Variants in FAH observed in about 807,000 individuals in gnomAD.
FAH encodes fumarylacetoacetase.
FAH carries 47 observed loss-of-function variants against 55.8 expected under a neutral mutation model. The ratio of observed to expected loss-of-function variants is 0.84; its 90% CI spans 0.67 to 1.07. FAH has a LOEUF of 1.07. Among genes scored for constraint, FAH ranks in the 50% least tolerant of loss-of-function variants. The probability of loss-of-function intolerance (pLI) is 0.00; values close to 1 mark genes in which losing one functional copy is unlikely to be tolerated. For missense variants in FAH, 495 were observed against 545.9 expected (o/e 0.91, Z 0.93); for synonymous variants, 199 against 207.7 (o/e 0.96, Z 0.36).
chr15:80,182,764 G>T (rs545078183), intron 13 of FAH, among the ~76,000 whole-genome samples: 2 of 152,226 alleles, frequency 1.3e-5, no homozygotes, highest in South Asian at 4.1e-4. Context: ...GAGGTCTTCT[G>T]ATTCCCCTGC....
At chr15:80,157,975 T>G in intron 1 of FAH, 85 bp from the exon 2 acceptor site, 1 of 983,358 alleles carries the variant, frequency 1.0e-6, no homozygotes, top group Non-Finnish European at 1.7e-6. Flanking sequence ...ACCTGTGGAC[T>G]CTTCAATAGA....
chr15:80,182,261 T>A (rs749633445), intron 13 of FAH, among the ~76,000 whole-genome samples: 4 of 152,188 alleles, frequency 2.6e-5, no homozygotes, highest in Admixed American at 6.5e-5. Context: ...CTCCTCATTC[T>A]AAGATCCCAA....
rs564981180 is a variant in FAH at position 80,171,541 on chromosome 15, G to T, written c.607-608G>T. Among the ~76,000 whole-genome samples, 6 of 152,286 alleles carry T rather than the reference G, an allele frequency of 3.9e-5. No individual in the cohort carries two copies. The East Asian group carries it at 1.2e-3, about 29-fold the overall frequency. ...CGTGGCGTGATCTCGGCCTGCTGCA[G>T]CCTTGACCTCCCTGGCTCAAGCAAT... On this transcript the variant is annotated intron_variant, in intron 7 of 13. Transcript: ENST00000561421.
chr15:80,168,129 G>T lies in FAH; in HGVS notation c.533G>T (p.Gly178Val), dbSNP rs1265386310. 1 of 1,614,126 alleles carries T rather than the reference G, an allele frequency of 6.2e-7. No homozygotes were observed. The highest frequency in any genetic ancestry group is 1.1e-5 in the South Asian group (1 of 91,072). The stretch of plus-strand genomic sequence containing the variant: ...GGCACCCCAATCCGAAGGCCCATGG[G>T]ACAGATGAAACCTGATGACTGTGAG... ...VSGTPIRRPM[G>V]QMKPDDSKPP... Residue 178 changes from glycine to valine, a missense_variant, in exon 6 of 14, where the codon GGA (glycine) becomes GTA (valine). Physicochemically the swap from Gly to Val is moderately radical, Grantham distance 109 (BLOSUM62 -3). Coordinates refer to ENST00000561421, the MANE Select transcript of FAH (RefSeq NM_000137.4).
In FAH at chr15:80,154,483, C is replaced by T. The variant is rs16971777; in HGVS notation, c.81+1348C>T. 4.6e-3 allele frequency among the ~76,000 whole-genome samples: 702 copies of T among 152,358 alleles called. 3 individuals carry two copies. The highest frequency in any genetic ancestry group is 0.015 in the African/African-American group (641 of 41,588). On this transcript the variant is annotated intron_variant, in intron 1 of 13. Coordinates refer to ENST00000561421, the MANE Select transcript of FAH (RefSeq NM_000137.4). Reference sequence around the variant, plus strand: ...TACAGATGTCTGGAAGAGAGAGCCCCATTCCGCTGTCCTCTGATACAGTGC... The same window carrying T: ...TACAGATGTCTGGAAGAGAGAGCCCTATTCCGCTGTCCTCTGATACAGTGC...
chr15:80,169,394 CA>C (rs963153103), intron 7 of FAH, among the ~76,000 whole-genome samples: 1 of 151,440 alleles, frequency 6.6e-6, no homozygotes, highest in East Asian at 1.9e-4. Context: ...AAACAAAAAA[CA>C]AAAAACAAAA....
intron 10 of FAH, among the ~76,000 whole-genome samples, chr15:80,175,905 A>G (rs76361486): frequency 0.025 from 3,823 of 152,230 alleles, 155 homozygotes; most frequent in African/African-American, 0.087. Context: ...TCCAATCCCA[A>G]CGGGGGCCCT....
chr15:80,186,008 G>T, intron 13 of FAH, 122 bp from the exon 14 acceptor site: 1 of 790,746 alleles, frequency 1.3e-6, no homozygotes, highest in South Asian at 1.4e-5. Flanking sequence ...ATGTGTGTGT[G>T]ATTCTGATGG....
chr15:80,170,254 C>A (rs2041228792), intron 7 of FAH, among the ~76,000 whole-genome samples: 1 of 152,222 alleles, frequency 6.6e-6, no homozygotes, highest in Non-Finnish European at 1.5e-5. Context: ...ATAGTCAGCA[C>A]CTACAGTTTT....
At chr15:80,165,975 C>T (rs955502179) in intron 5 of FAH, 6 of 151,928 alleles carry the variant, frequency 3.9e-5, no homozygotes, top group Admixed American at 2.0e-4. Context: ...TTAAAAGCAA[C>T]AAAAACAGTC....
At position 80,159,816 on chromosome 15, in the gene FAH, T is replaced by A; in HGVS notation, c.253T>A (p.Leu85Met). ...QAAWKEARVF[L>M]QNLLSVSQAR... ...TGCCTGGAAGGAGGCGAGAGTGTTC[T>A]TGCAGAACTTGCTGTCTGTGAGCCA... The change falls in exon 3 of 14, where the codon TTG (leucine) becomes ATG (methionine). Residue 85 changes from leucine to methionine, a missense_variant. Leu to Met is a conservative substitution (Grantham distance 15). Transcript: ENST00000561421. 6.2e-7 allele frequency: 1 copy of A among 1,614,246 alleles called. No individual in the cohort carries two copies. Among genetic ancestry groups the A allele is most frequent in the Non-Finnish European group, 8.5e-7 (1 of 1,180,034 alleles).
At chr15:80,174,947 T>G (rs1182808636) in intron 9 of FAH, 69 bp from the exon 10 acceptor site, 4 of 1,345,942 alleles carry the variant, frequency 3.0e-6, no homozygotes. Flanking sequence ...GCCTGGCTGG[T>G]ATGGGGGCCC....
chr15:80,184,765 T>C (rs1045302823), intron 13 of FAH, among the ~76,000 whole-genome samples: 2 of 152,162 alleles, frequency 1.3e-5, no homozygotes, highest in Non-Finnish European at 2.9e-5. Context: ...ACTGAACAGA[T>C]GTGACAAATG....
In FAH at chr15:80,186,285, T is replaced by G; in HGVS notation, c.*76T>G. ...CTGTGACTGGGGTCCTCCCTCGGGC[T>G]GTAGGCCTGGTCCGCCATTCAGTGA... On this transcript the variant is annotated 3_prime_UTR_variant, in exon 14 of 14. Coordinates refer to ENST00000561421, the MANE Select transcript of FAH (RefSeq NM_000137.4). 8.2e-7 allele frequency: 1 copy of G among 1,217,586 alleles called. No homozygotes were observed. Among genetic ancestry groups the G allele is most frequent in the Non-Finnish European group, 1.2e-6 (1 of 819,108 alleles). 75.4% of individuals were successfully genotyped at this position (1,217,586 alleles called of 1,614,324 possible).
Position 80,165,514 on chromosome 15 carries a change from C to T in FAH, c.456-2538C>T, listed in dbSNP as rs565334007. On this transcript the variant is annotated intron_variant, in intron 5 of 13. Transcript: ENST00000561421. ...TTGCACTCCAGCCTGGGTGAGAGAG[C>T]GAGACTCCATCTCAAAAAAAAAAAA... 4.8e-3 allele frequency among the ~76,000 whole-genome samples: 665 copies of T among 138,510 alleles called. 4 individuals carry two copies. Among genetic ancestry groups the T allele is most frequent in the African/African-American group, 0.018 (649 of 36,518 alleles). 90.9% of individuals were successfully genotyped at this position (138,510 alleles called of 152,430 possible). A position where few individuals can be genotyped will look rare whatever the true frequency, so the allele number is the denominator to read the frequency against.
chr15:80,170,504 T>C (rs1054065691), intron 7 of FAH, among the ~76,000 whole-genome samples: 1 of 152,242 alleles, frequency 6.6e-6, no homozygotes, highest in African/African-American at 2.4e-5. Context: ...AGCAGGGCAT[T>C]CCCTGCCAGC....
chr15:80,180,838 T>C (rs1255901192), intron 12 of FAH, among the ~76,000 whole-genome samples: 1 of 152,086 alleles, frequency 6.6e-6, no homozygotes, highest in Non-Finnish European at 1.5e-5. Flanking sequence ...AGTGGAACCA[T>C]TGCTGTCCCC....
Position 80,173,129 on chromosome 15 carries a change from GCCC to G in FAH, c.823_825del (p.Pro275del). On this transcript the variant is annotated inframe_deletion, in exon 9 of 14. Transcript: ENST00000561421. ...TGGATGCTCTCATGCCCTTTGCTGT[GCCC>G]AACCCGAAGCAGGTAAGCACATTCT... The G allele has an allele frequency of 1.2e-6, 2 of 1,614,184 alleles. No homozygotes were observed. The highest frequency in any genetic ancestry group is 1.7e-6 in the Non-Finnish European group (2 of 1,180,036).
intron 12 of FAH, among the ~76,000 whole-genome samples, 159 bp from the exon 13 acceptor site, chr15:80,180,883 G>A (rs1383680249): frequency 6.6e-6 from 1 of 152,118 alleles, no homozygotes; most frequent in Non-Finnish European, 1.5e-5. Context: ...TGTCTCAAAG[G>A]CATCTCTGCA....
Sources: allele counts gnomAD v4.1 joint callset (sites outside exome capture counted in the v4.1 genomes callset), GRCh38; gene constraint gnomAD v4.1.1; transcripts MANE v1.5; gene names NCBI Gene and HGNC (gene_info 2026-07-23, HGNC 2026-07-21).